The following ZNF385D variants were observed in gnomAD, a reference collection of about 807,000 sequenced individuals.
ZNF385D encodes the protein zinc finger protein 659.
ZNF385D carries 15 observed loss-of-function variants against 35.8 expected under a neutral mutation model. The ratio of observed to expected loss-of-function variants is 0.42; its 90% CI spans 0.28 to 0.64. The LOEUF is 0.64. Among genes scored for constraint, ZNF385D ranks in the 30% least tolerant of loss-of-function variants. ZNF385D has a pLI of 0.23. For missense variants in ZNF385D, 474 were observed against 494.6 expected, an observed-to-expected ratio of 0.96 and a Z score of 0.39; for synonymous variants, 212 against 186.8, an observed-to-expected ratio of 1.13 and a Z score of -1.10.
intron 3 of ZNF385D, among the ~76,000 whole-genome samples, chr3:22,050,681 C>T (rs1051973006): frequency 2.0e-5 from 3 of 152,120 alleles, no homozygotes; most frequent in African/African-American, 4.8e-5. Context: ...CAGATGAACT[C>T]AGCAGTTTTT....
intron 3 of ZNF385D, among the ~76,000 whole-genome samples, chr3:22,002,758 A>G (rs1474274021): frequency 6.6e-6 from 1 of 152,232 alleles, no homozygotes; most frequent in Non-Finnish European, 1.5e-5. Flanking sequence ...AGTGGTATTT[A>G]TCCTAGGGTT....
At chr3:21,902,199 G>A (rs1437655017) in intron 3 of ZNF385D, among the ~76,000 whole-genome samples, 1 of 152,058 alleles carries the variant, frequency 6.6e-6, no homozygotes, top group Non-Finnish European at 1.5e-5. Context: ...AACCTTCAAG[G>A]ATACACAATT....
chr3:21,562,830 T>C (rs1477888503), intron 3 of ZNF385D, among the ~76,000 whole-genome samples: 2 of 31,408 alleles, frequency 6.4e-5, no homozygotes, highest in African/African-American at 3.1e-4. Context: ...TTAAGAGGAC[T>C]CTTTTTTAAC....
intron 2 of ZNF385D, among the ~76,000 whole-genome samples, chr3:22,339,845 C>T (rs983724230): frequency 1.3e-5 from 2 of 152,266 alleles, no homozygotes; most frequent in African/African-American, 4.8e-5. Flanking sequence ...TACTGATCGA[C>T]ATCCGCTTTA....
At chr3:22,050,860 A>G (rs1405831643) in intron 3 of ZNF385D, among the ~76,000 whole-genome samples, 1 of 146,340 alleles carries the variant, frequency 6.8e-6, no homozygotes, top group African/African-American at 2.5e-5. Context: ...ACCCTTAAAA[A>G]TTCAATGTGT....
At chr3:21,826,849 A>G (rs1012185219) in intron 3 of ZNF385D, among the ~76,000 whole-genome samples, 1 of 150,660 alleles carries the variant, frequency 6.6e-6, no homozygotes, top group Admixed American at 6.6e-5. Context: ...ACTCTCCTGT[A>G]GAACAAGGTT....
chr3:22,063,062 G>C (rs986610330), intron 3 of ZNF385D, among the ~76,000 whole-genome samples: 1 of 152,056 alleles, frequency 6.6e-6, no homozygotes, highest in Admixed American at 6.5e-5. Flanking sequence ...TAATCTGGGG[G>C]TAATTTGTTA....
chr3:21,529,704 C>T (rs1319146140), intron 3 of ZNF385D, among the ~76,000 whole-genome samples: 1 of 152,082 alleles, frequency 6.6e-6, no homozygotes, highest in Admixed American at 6.6e-5. Context: ...TATCACAAAC[C>T]ACAGGTCTAG....
intron 3 of ZNF385D, among the ~76,000 whole-genome samples, chr3:21,851,191 G>C (rs544781892): frequency 2.0e-5 from 3 of 151,922 alleles, no homozygotes; most frequent in Non-Finnish European, 4.4e-5. Context: ...CAAAAAGTAA[G>C]TGAAATAAAA....
At chr3:21,887,830 G>A (rs1185822147) in intron 3 of ZNF385D, among the ~76,000 whole-genome samples, 1 of 151,774 alleles carries the variant, frequency 6.6e-6, no homozygotes, top group African/African-American at 2.4e-5. Context: ...GTCAGGAATT[G>A]AAAAGAAAAA....
intron 3 of ZNF385D, among the ~76,000 whole-genome samples, chr3:21,958,139 T>C (rs1702387400): frequency 6.6e-6 from 1 of 152,150 alleles, no homozygotes; most frequent in Non-Finnish European, 1.5e-5. Flanking sequence ...TCCTTATTTG[T>C]TTTCAAATTT....
intron 3 of ZNF385D, among the ~76,000 whole-genome samples, chr3:22,101,328 A>G (rs528240787): frequency 3.9e-4 from 59 of 152,200 alleles, no homozygotes; most frequent in Middle Eastern, 3.4e-3. Flanking sequence ...AGAAGTAGGT[A>G]TAGATACACA....
At chr3:22,237,746 C>G (rs760165397) in intron 2 of ZNF385D, among the ~76,000 whole-genome samples, 1 of 152,052 alleles carries the variant, frequency 6.6e-6, no homozygotes, top group Non-Finnish European at 1.5e-5. Flanking sequence ...CAGGTTCAAG[C>G]GATTCTCCTG....
chr3:21,679,881 T>A (rs1330876225), intron 1 of ZNF385D, among the ~76,000 whole-genome samples: 1 of 152,050 alleles, frequency 6.6e-6, no homozygotes, highest in Non-Finnish European at 1.5e-5. Context: ...TCTTAAATGA[T>A]CTCATGGTAA....
At chr3:21,556,100 T>G (rs1435793167) in intron 3 of ZNF385D, among the ~76,000 whole-genome samples, 4 of 149,124 alleles carry the variant, frequency 2.7e-5, no homozygotes, top group Non-Finnish European at 5.9e-5. Flanking sequence ...AAATTTAAGT[T>G]CTTTGTAGAT....
intron 3 of ZNF385D, among the ~76,000 whole-genome samples, chr3:21,953,826 T>C (rs1702168854): frequency 6.6e-6 from 1 of 151,878 alleles, no homozygotes; most frequent in African/African-American, 2.4e-5. Context: ...AAAATTAGAG[T>C]AAGTGATTTC....
chr3:21,980,026 G>C (rs1576070736), intron 3 of ZNF385D, among the ~76,000 whole-genome samples: 2 of 152,120 alleles, frequency 1.3e-5, no homozygotes, highest in South Asian at 2.1e-4. Context: ...GGCCATAAAA[G>C]GCATTGTGAT....
chr3:22,039,753 A>G (rs1698552086), intron 3 of ZNF385D, among the ~76,000 whole-genome samples: 2 of 152,152 alleles, frequency 1.3e-5, no homozygotes, highest in African/African-American at 4.8e-5. Context: ...TATTGCTTAA[A>G]AAAGAGTTCT....
At chr3:21,608,101 C>G (rs1370439758) in intron 2 of ZNF385D, among the ~76,000 whole-genome samples, 1 of 147,978 alleles carries the variant, frequency 6.8e-6, no homozygotes, top group Non-Finnish European at 1.5e-5. Flanking sequence ...CCTCCACCTC[C>G]TGGGATTAAG....
Sources: gnomAD v4.1 joint callset for allele counts (sites outside exome capture counted in the v4.1 genomes callset) on GRCh38, gnomAD v4.1.1 for gene constraint, MANE v1.5 for transcripts, NCBI Gene and HGNC (gene_info 2026-07-23, HGNC 2026-07-21) for gene names.